Variants in FAM135B observed in about 807,000 individuals in gnomAD.
FAM135B encodes protein FAM135B.
FAM135B carries 43 observed loss-of-function variants against 127.7 expected under a neutral mutation model. That is an observed-to-expected ratio of 0.34 (90% CI 0.26 to 0.43). The LOEUF (loss-of-function observed/expected upper bound fraction) is 0.43. Among genes scored for constraint, FAM135B ranks in the 20% least tolerant of loss-of-function variants. The pLI is 1.00. For synonymous variants in FAM135B, 670 were observed against 665.1 expected (o/e 1.01, Z -0.11); for missense variants, 1,558 against 1,725.6 (o/e 0.90, Z 1.72).
intron 3 of FAM135B, among the ~76,000 whole-genome samples, chr8:138,303,229 T>C (rs1826011566): frequency 6.6e-6 from 1 of 152,136 alleles, no homozygotes. Context: ...ATGAGGCACA[T>C]ATACACCATG....
intron 7 of FAM135B, among the ~76,000 whole-genome samples, chr8:138,235,959 G>C (rs1352004699): frequency 6.6e-6 from 1 of 152,190 alleles, no homozygotes; most frequent in Admixed American, 6.5e-5. Flanking sequence ...TCATCTCAGA[G>C]AAAGGTGCTC....
intron 1 of FAM135B, among the ~76,000 whole-genome samples, chr8:138,422,950 T>A (rs911208817): frequency 6.6e-6 from 1 of 152,186 alleles, no homozygotes; most frequent in Non-Finnish European, 1.5e-5. Flanking sequence ...GAGAATGAAA[T>A]CATGTTCTTT....
chr8:138,432,953 A>G (rs923325687), intron 1 of FAM135B, among the ~76,000 whole-genome samples: 1 of 152,116 alleles, frequency 6.6e-6, no homozygotes, highest in African/African-American at 2.4e-5. Flanking sequence ...ATGACAATGG[A>G]ACATTGTCCA....
intron 17 of FAM135B, among the ~76,000 whole-genome samples, chr8:138,139,384 C>G (rs1051840937): frequency 6.6e-6 from 1 of 152,106 alleles, no homozygotes; most frequent in Non-Finnish European, 1.5e-5. Flanking sequence ...GAAAAAGAAG[C>G]CTAGGGTAAT....
chr8:138,389,163 A>G (rs1587322103), intron 1 of FAM135B, among the ~76,000 whole-genome samples: 1 of 152,360 alleles, frequency 6.6e-6, no homozygotes, highest in East Asian at 1.9e-4. Context: ...AAGTGCTGAC[A>G]AGAATGTAAA....
At chr8:138,475,291 T>C (rs1448232432) in intron 1 of FAM135B, among the ~76,000 whole-genome samples, 5 of 152,156 alleles carry the variant, frequency 3.3e-5, no homozygotes, top group African/African-American at 1.2e-4. Flanking sequence ...CCCTTTCTTT[T>C]ATCTTTCTAC....
chr8:138,420,811 C>T (rs924822774), intron 1 of FAM135B, among the ~76,000 whole-genome samples: 1 of 152,134 alleles, frequency 6.6e-6, no homozygotes, highest in Non-Finnish European at 1.5e-5. Flanking sequence ...ATTAAAAGCC[C>T]TAAACAAACT....
At chr8:138,421,509 C>T (rs1834509128) in intron 1 of FAM135B, among the ~76,000 whole-genome samples, 1 of 151,926 alleles carries the variant, frequency 6.6e-6, no homozygotes, top group Admixed American at 6.6e-5. Context: ...AAGCTGAGAA[C>T]CAAATAAAAA....
chr8:138,447,315 A>C (rs1166434030), intron 1 of FAM135B, among the ~76,000 whole-genome samples: 1 of 152,126 alleles, frequency 6.6e-6, no homozygotes, highest in African/African-American at 2.4e-5. Context: ...GTATATACCC[A>C]AAGGATTATA....
At chr8:138,263,231 G>C (rs1449030986) in intron 4 of FAM135B, among the ~76,000 whole-genome samples, 3 of 152,162 alleles carry the variant, frequency 2.0e-5, no homozygotes, top group Non-Finnish European at 4.4e-5. Flanking sequence ...GCTAAATAAG[G>C]AGTTGGAAAG....
At chr8:138,290,783 T>C (rs1201276074) in intron 3 of FAM135B, among the ~76,000 whole-genome samples, 1 of 152,138 alleles carries the variant, frequency 6.6e-6, no homozygotes, top group East Asian at 1.9e-4. Flanking sequence ...ATGTTGGTGC[T>C]AACACGGATT....
At chr8:138,348,989 G>C (rs919534464) in intron 2 of FAM135B, among the ~76,000 whole-genome samples, 1 of 152,242 alleles carries the variant, frequency 6.6e-6, no homozygotes, top group Non-Finnish European at 1.5e-5. Flanking sequence ...TCTGGCACCA[G>C]ACTAGATGAG....
At chr8:138,177,240 G>C in intron 11 of FAM135B, 107 bp downstream of exon 11, 2 of 1,019,502 alleles carry the variant, frequency 2.0e-6, no homozygotes, top group Non-Finnish European at 2.9e-6. Context: ...GCAGAGGTGG[G>C]CAGACTTCTC....
At chr8:138,170,342 G>A (rs555602638) in intron 11 of FAM135B, among the ~76,000 whole-genome samples, 7 of 151,118 alleles carry the variant, frequency 4.6e-5, no homozygotes, top group Non-Finnish European at 1.0e-4. Flanking sequence ...CCTGCCTCAG[G>A]CTCCCAAGTA....
intron 1 of FAM135B, among the ~76,000 whole-genome samples, chr8:138,419,063 T>C (rs1834337296): frequency 6.6e-6 from 1 of 152,032 alleles, no homozygotes; most frequent in African/African-American, 2.4e-5. Context: ...AGTGGCAAGA[T>C]GGATAAAGAA....
At chr8:138,471,624 T>C (rs1275634943) in intron 1 of FAM135B, among the ~76,000 whole-genome samples, 2 of 152,066 alleles carry the variant, frequency 1.3e-5, no homozygotes, top group Non-Finnish European at 2.9e-5. Flanking sequence ...TAAGGTGCTT[T>C]GAAATGCACT....
intron 13 of FAM135B, 144 bp downstream of exon 13, chr8:138,151,050 A>G (rs1013517051): frequency 4.7e-6 from 2 of 427,708 alleles, no homozygotes; most frequent in African/African-American, 4.1e-5. Context: ...TATATGATAT[A>G]TTATCTATAA....
chr8:138,487,315 G>A (rs1195889826), intron 1 of FAM135B, among the ~76,000 whole-genome samples: 1 of 151,914 alleles, frequency 6.6e-6, no homozygotes, highest in Admixed American at 6.6e-5. Context: ...GGAGGACTTA[G>A]GAGATCCATA....
chr8:138,197,024 G>C (rs150385198), intron 8 of FAM135B, among the ~76,000 whole-genome samples: 1 of 151,690 alleles, frequency 6.6e-6, no homozygotes, highest in African/African-American at 2.4e-5. Flanking sequence ...CAAATGTAAT[G>C]GATACTAAGA....
Sources: allele counts gnomAD v4.1 joint callset (sites outside exome capture counted in the v4.1 genomes callset), GRCh38; gene constraint gnomAD v4.1.1; transcripts MANE v1.5; gene names NCBI Gene and HGNC (gene_info 2026-07-23, HGNC 2026-07-21).